The following DOCK3 variants were observed in gnomAD, a reference collection of about 807,000 sequenced individuals.
DOCK3 encodes dedicator of cytokinesis 3.
In DOCK3, 60 loss-of-function variants were observed where a neutral mutation model predicts 265.6. The observed-to-expected ratio is 0.23, with a 90% CI of 0.18 to 0.28. The LOEUF (loss-of-function observed/expected upper bound fraction) is 0.28. Ranked by LOEUF, DOCK3 falls within the 10% of genes least tolerant of loss-of-function variation. The pLI is 1.00. For synonymous variants in DOCK3, 881 were observed against 938.0 expected (o/e 0.94, Z 1.11); for missense variants, 1,981 against 2,594.3 (o/e 0.76, Z 5.14).
intron 1 of DOCK3, among the ~76,000 whole-genome samples, chr3:50,759,062 C>T (rs529372238): frequency 1.4e-3 from 207 of 152,200 alleles, no homozygotes; most frequent in Admixed American, 2.6e-3. Context: ...TATAATCGTG[C>T]TAGAACACGG....
chr3:51,072,445 T>A (rs917712114), intron 6 of DOCK3, among the ~76,000 whole-genome samples: 1 of 152,182 alleles, frequency 6.6e-6, no homozygotes, highest in Middle Eastern at 3.4e-3. Context: ...TCTTGCTCTG[T>A]CATCCAGACG....
intron 4 of DOCK3, among the ~76,000 whole-genome samples, chr3:50,929,205 T>G (rs1331605033): frequency 6.6e-6 from 1 of 152,212 alleles, no homozygotes; most frequent in Non-Finnish European, 1.5e-5. Flanking sequence ...TTTTGTTTCC[T>G]CTCTCTGTTT....
At chr3:51,165,461 A>G (rs1164532510) in intron 12 of DOCK3, among the ~76,000 whole-genome samples, 1 of 152,228 alleles carries the variant, frequency 6.6e-6, no homozygotes, top group Non-Finnish European at 1.5e-5. Flanking sequence ...AAGAACACCT[A>G]ATGTTTACCA....
intron 7 of DOCK3, among the ~76,000 whole-genome samples, chr3:51,076,920 G>A (rs1445559707): frequency 6.6e-6 from 1 of 152,150 alleles, no homozygotes; most frequent in African/African-American, 2.4e-5. Context: ...TGGGAGTGAG[G>A]CCAAGAAGGA....
chr3:51,028,039 T>C (rs2108928847), intron 5 of DOCK3, among the ~76,000 whole-genome samples: 1 of 152,320 alleles, frequency 6.6e-6, no homozygotes, highest in East Asian at 1.9e-4. Context: ...CTGTGGGTTT[T>C]GTACCTTTTT....
At chr3:50,978,716 G>C (rs896806836) in intron 5 of DOCK3, among the ~76,000 whole-genome samples, 8 of 152,224 alleles carry the variant, frequency 5.3e-5, no homozygotes, top group Admixed American at 1.3e-4. Context: ...AAGCAAGCCT[G>C]GGCAATGGCG....
rs1020318599 is a variant in DOCK3 at position 51,383,475 on chromosome 3, T to G, written c.*1916T>G. 2 of 152,448 alleles carry G rather than the reference T, an allele frequency of 1.3e-5. No individual in the cohort carries two copies. Among genetic ancestry groups the G allele is most frequent in the South Asian group, 4.1e-4 (2 of 4,824 alleles). 9.4% of individuals were successfully genotyped at this position (152,448 alleles called of 1,614,324 possible). ...AGGGGCTAGTTTTGGATTTGATTCA[T>G]AGGTAGGAGGGCTTAGATTTTAAGG... On this transcript the variant is annotated 3_prime_UTR_variant, in exon 53 of 53. Coordinates refer to ENST00000266037, the MANE Select transcript of DOCK3 (RefSeq NM_004947.5).
intron 5 of DOCK3, among the ~76,000 whole-genome samples, chr3:50,954,086 A>G (rs929486600): frequency 6.6e-6 from 1 of 152,158 alleles, no homozygotes; most frequent in African/African-American, 2.4e-5. Flanking sequence ...TTCAAAGTCT[A>G]TTCCTATTAA....
chr3:51,113,936 C>A (rs771812938), intron 9 of DOCK3, among the ~76,000 whole-genome samples: 62 of 151,964 alleles, frequency 4.1e-4, no homozygotes, highest in Non-Finnish European at 7.1e-4. Context: ...ACAAGCAAGA[C>A]CCCATCTCTA....
In DOCK3 at chr3:51,368,251, C is replaced by T. The variant is rs539054512; in HGVS notation, c.5293+5577C>T. ...ACTGGGTGCAGCCCACGGAGCAGGG[C>T]GGGGCATTGCCTCACCCAGGAAATG... is the stretch of plus-strand genomic sequence containing the variant. On this transcript the variant is annotated intron_variant, in intron 49 of 52. Coordinates refer to ENST00000266037, the MANE Select transcript of DOCK3 (RefSeq NM_004947.5). 3.9e-5 allele frequency among the ~76,000 whole-genome samples: 6 copies of T among 152,262 alleles called. No homozygotes were observed. In the South Asian group the frequency reaches 6.2e-4, roughly 16 times the overall value.
intron 12 of DOCK3, among the ~76,000 whole-genome samples, chr3:51,169,640 G>A (rs1427152452): frequency 6.6e-6 from 1 of 151,828 alleles, no homozygotes; most frequent in African/African-American, 2.4e-5. Flanking sequence ...TTGGGTACTA[G>A]GCCTAGTACC....
intron 2 of DOCK3, among the ~76,000 whole-genome samples, chr3:50,791,258 CTTTTT>C (rs34015684): frequency 3.2e-5 from 2 of 62,782 alleles, no homozygotes; most frequent in Admixed American, 1.9e-4. Context: ...TTAAATCTAT[CTTTTT>C]TTTTTTTTTT....
chr3:51,234,837 C>T (rs897401580), intron 19 of DOCK3, among the ~76,000 whole-genome samples: 1 of 152,206 alleles, frequency 6.6e-6, no homozygotes, highest in East Asian at 1.9e-4. Flanking sequence ...AGTGTTTCCC[C>T]TTAGCTCAAT....
intron 49 of DOCK3, among the ~76,000 whole-genome samples, chr3:51,371,971 G>A (rs574621599): frequency 9.7e-4 from 147 of 152,330 alleles, no homozygotes; most frequent in African/African-American, 3.4e-3. Flanking sequence ...ATGTTACTGA[G>A]TTGGTCTAAA....
chr3:50,908,415 T>C (rs774408506), intron 4 of DOCK3, among the ~76,000 whole-genome samples: 3 of 152,040 alleles, frequency 2.0e-5, no homozygotes, highest in Non-Finnish European at 4.4e-5. Context: ...AGAGATTCTG[T>C]TACATTGTCT....
chr3:51,202,180 A>G (rs1191060047), intron 12 of DOCK3, among the ~76,000 whole-genome samples: 1 of 116,294 alleles, frequency 8.6e-6, no homozygotes, highest in Non-Finnish European at 1.8e-5. Flanking sequence ...AGCAGAACTG[A>G]AGGAAATAGA....
At chr3:51,100,591 G>C (rs1363478062) in intron 9 of DOCK3, among the ~76,000 whole-genome samples, 1 of 152,138 alleles carries the variant, frequency 6.6e-6, no homozygotes, top group Non-Finnish European at 1.5e-5. Context: ...ACTGTGATTT[G>C]ACCCACCACA....
intron 20 of DOCK3, 83 bp from the exon 21 acceptor site, chr3:51,237,407 G>A: frequency 8.7e-7 from 1 of 1,150,384 alleles, no homozygotes; most frequent in South Asian, 1.4e-5. Flanking sequence ...GCCATTATTT[G>A]GAGAAGGAAG....
chr3:51,154,943 TTC>T (rs1187925263), intron 10 of DOCK3, among the ~76,000 whole-genome samples: 1 of 152,158 alleles, frequency 6.6e-6, no homozygotes, highest in East Asian at 1.9e-4. Flanking sequence ...ACTTCCATAA[TTC>T]TGTTTGTAGT....
Sources: allele counts gnomAD v4.1 joint callset (sites outside exome capture counted in the v4.1 genomes callset), GRCh38; gene constraint gnomAD v4.1.1; transcripts MANE v1.5; gene names NCBI Gene and HGNC (gene_info 2026-07-23, HGNC 2026-07-21).